LYRM4: variants seen among roughly 807,000 people sequenced by gnomAD.
LYRM4 encodes the protein LYR motif-containing protein 4.
A neutral mutation model predicts 11.7 loss-of-function variants in LYRM4; 9 were observed. That is an observed-to-expected ratio of 0.77 (90% CI 0.46 to 1.34). The LOEUF is 1.34. LYRM4 is among the 40% of genes most tolerant of loss of function. The pLI, the probability that LYRM4 is intolerant of heterozygous loss-of-function variation, is 0.00. For missense variants in LYRM4, 133 were observed against 112.5 expected (o/e 1.18, Z -0.82); for synonymous variants, 42 against 40.4 (o/e 1.04, Z -0.15).
the LYRM4 span, among the ~76,000 whole-genome samples, chr6:5,038,883 G>A: frequency 2.5e-4 from 2 of 8,112 alleles, no homozygotes; most frequent in African/African-American, 6.5e-4. Context: ...GACCGTGGAG[G>A]GAGAGAGAGG....
intron 2 of LYRM4, among the ~76,000 whole-genome samples, chr6:5,121,708 A>G (rs978051829): frequency 6.6e-6 from 1 of 152,250 alleles, no homozygotes; most frequent in African/African-American, 2.4e-5. Context: ...GAGCCCAGGC[A>G]AACTGCCAGA....
chr6:5,114,201 C>T (rs1036241988), intron 2 of LYRM4, among the ~76,000 whole-genome samples: 13 of 152,230 alleles, frequency 8.5e-5, no homozygotes, highest in Admixed American at 3.3e-4. Flanking sequence ...GGAACACCAG[C>T]AGCCATCTAG....
chr6:5,043,410 T>A, the LYRM4 span: 3 of 152,120 alleles, frequency 2.0e-5, no homozygotes, highest in African/African-American at 7.2e-5. Flanking sequence ...TCAATTTTTG[T>A]TCCTCCTTTC....
chr6:5,133,122 A>G (rs148172751), intron 2 of LYRM4, among the ~76,000 whole-genome samples: 165 of 152,278 alleles, frequency 1.1e-3, no homozygotes, highest in African/African-American at 3.6e-3. Flanking sequence ...CCTGAGGGCC[A>G]CTTGTCCCCG....
chr6:5,137,376 C>T (rs1194932042), intron 2 of LYRM4, among the ~76,000 whole-genome samples: 3 of 152,172 alleles, frequency 2.0e-5, no homozygotes, highest in Non-Finnish European at 4.4e-5. Context: ...TGCTGGATCA[C>T]ACTACCTCTT....
chr6:5,102,848 C>G (rs145090844), downstream of LYRM4: 10 of 152,200 alleles, frequency 6.6e-5, no homozygotes, highest in African/African-American at 2.4e-4. Flanking sequence ...CAAGACAGCA[C>G]GACACTGACT....
intron 1 of LYRM4, among the ~76,000 whole-genome samples, chr6:5,251,546 C>T (rs570485856): frequency 6.6e-6 from 1 of 152,204 alleles, no homozygotes; most frequent in South Asian, 2.1e-4. Flanking sequence ...GAAGGAGATG[C>T]CACATACTTT....
chr6:5,045,014 C>G, the LYRM4 span, among the ~76,000 whole-genome samples: 2 of 152,218 alleles, frequency 1.3e-5, no homozygotes, highest in African/African-American at 2.4e-5. Context: ...CAACACACTT[C>G]TCTCCTTCAG....
At chr6:5,085,763 T>C in the LYRM4 span, 1 of 1,536,848 alleles carries the variant, frequency 6.5e-7, no homozygotes. Context: ...GACCCCATCT[T>C]GCAGGCGGCC....
chr6:5,172,318 C>A (rs1759476840), intron 2 of LYRM4, among the ~76,000 whole-genome samples: 3 of 152,144 alleles, frequency 2.0e-5, no homozygotes. Flanking sequence ...GGCAACAATT[C>A]TCAGAAGGCC....
chr6:5,109,226 C>T lies in LYRM4; in HGVS notation c.*197G>A, dbSNP rs778527674. The T allele has an allele frequency of 2.8e-6, 4 of 1,435,136 alleles. No homozygotes were observed. The African/African-American group carries it at 5.7e-5, about 21-fold the overall frequency. 88.9% of individuals were successfully genotyped at this position (1,435,136 alleles called of 1,614,324 possible). On this transcript the variant is annotated 3_prime_UTR_variant, in exon 3 of 3. Coordinates refer to ENST00000330636, the MANE Select transcript of LYRM4 (RefSeq NM_020408.6). ...AACGAACTCCAGCTCTCCATTCTAA[C>T]ACTTGAACCAAGGAAAGACAGCAGT...
chr6:5,218,881 C>T (rs1310007935), intron 1 of LYRM4, among the ~76,000 whole-genome samples: 3 of 152,222 alleles, frequency 2.0e-5, no homozygotes, highest in Non-Finnish European at 2.9e-5. Context: ...AGCCTAATGG[C>T]TATTTATAAA....
chr6:5,229,465 A>G (rs2127740529), intron 1 of LYRM4, among the ~76,000 whole-genome samples: 1 of 152,230 alleles, frequency 6.6e-6, no homozygotes, highest in Middle Eastern at 3.4e-3. Flanking sequence ...TGGGTGCAAC[A>G]TAAGGGCAAA....
At chr6:5,131,960 G>A (rs1268633517) in intron 2 of LYRM4, among the ~76,000 whole-genome samples, 1 of 100,990 alleles carries the variant, frequency 9.9e-6, no homozygotes. Context: ...TTATCTTTAA[G>A]CAGTCGTGGA....
At chr6:5,232,215 G>A (rs1458167618) in intron 1 of LYRM4, among the ~76,000 whole-genome samples, 1 of 152,200 alleles carries the variant, frequency 6.6e-6, no homozygotes, top group Non-Finnish European at 1.5e-5. Flanking sequence ...CTTCACCTGT[G>A]GGATTATCAC....
intron 1 of LYRM4, among the ~76,000 whole-genome samples, chr6:5,238,997 C>A (rs967201879): frequency 6.6e-6 from 1 of 152,158 alleles, no homozygotes; most frequent in Non-Finnish European, 1.5e-5. Context: ...TACTTTTACA[C>A]GCATGTGTTA....
intron 2 of LYRM4, among the ~76,000 whole-genome samples, chr6:5,175,232 G>A (rs1279980949): frequency 1.3e-5 from 2 of 152,200 alleles, no homozygotes; most frequent in African/African-American, 4.8e-5. Context: ...AGATCTCATG[G>A]TATGCTTTTA....
chr6:5,231,900 T>C (rs1252261981), intron 1 of LYRM4, among the ~76,000 whole-genome samples: 1 of 152,246 alleles, frequency 6.6e-6, no homozygotes, highest in Non-Finnish European at 1.5e-5. Flanking sequence ...TTTATTTCTA[T>C]AACATCCCTG....
chr6:5,203,782 C>T (rs1484957765), intron 2 of LYRM4, among the ~76,000 whole-genome samples: 1 of 152,224 alleles, frequency 6.6e-6, no homozygotes, highest in Non-Finnish European at 1.5e-5. Flanking sequence ...CGTGTTGCGT[C>T]TAAGCGGCTG....
Sources: gnomAD v4.1 joint callset for allele counts (sites outside exome capture counted in the v4.1 genomes callset) on GRCh38, gnomAD v4.1.1 for gene constraint, MANE v1.5 for transcripts, NCBI Gene and HGNC (gene_info 2026-07-23, HGNC 2026-07-21) for gene names.